Variants in KIAA1549L observed in about 807,000 individuals in gnomAD.
KIAA1549L encodes the protein KIAA1549 like.
In KIAA1549L, 88 loss-of-function variants were observed where a neutral mutation model predicts 160.7. The observed-to-expected ratio is 0.55, with a 90% CI of 0.46 to 0.65. The LOEUF is 0.65. KIAA1549L is among the 30% of genes least tolerant of loss of function. The pLI is 0.00. For synonymous variants in KIAA1549L, 950 were observed against 976.7 expected, an observed-to-expected ratio of 0.97 and a Z score of 0.51; for missense variants, 2,258 against 2,437.5, an observed-to-expected ratio of 0.93 and a Z score of 1.55.
chr11:33,618,662 T>C lies in KIAA1549L; in HGVS notation c.5409T>C (p.Asp1803=). The stretch of plus-strand genomic sequence containing the variant: ...GTGGAATCCGCAACAGCGGATACGA[T>C]GTGAGTCTCTGGTGGGCTGGGTAAA... ...PRRGIRNSGY[D]TEPEIIEETN... Residue 1803 remains aspartate, a splice_region_variant and synonymous_variant, in exon 16 of 21, where the codon GAT becomes GAC. Transcript: ENST00000658780. 2 of 1,579,906 alleles carry C rather than the reference T, an allele frequency of 1.3e-6. No individual in the cohort carries two copies. The highest frequency in any genetic ancestry group is 1.7e-6 in the Non-Finnish European group (2 of 1,160,532).
At chr11:33,398,211 C>T (rs1265520847) in intron 1 of KIAA1549L, among the ~76,000 whole-genome samples, 1 of 151,480 alleles carries the variant, frequency 6.6e-6, no homozygotes, top group Non-Finnish European at 1.5e-5. Flanking sequence ...TATGAGCCAC[C>T]ACACCTGGCC....
At chr11:33,459,766 C>T (rs900795957) in intron 1 of KIAA1549L, among the ~76,000 whole-genome samples, 2 of 150,960 alleles carry the variant, frequency 1.3e-5, no homozygotes, top group South Asian at 4.2e-4. Flanking sequence ...TCGAGACCAT[C>T]CCGGCTAAAA....
chr11:33,526,655 G>T (rs1255166207), intron 1 of KIAA1549L, among the ~76,000 whole-genome samples: 1 of 152,140 alleles, frequency 6.6e-6, no homozygotes, highest in Non-Finnish European at 1.5e-5. Context: ...CACCCCATGG[G>T]ACGAGAGCCC....
Position 33,431,334 on chromosome 11 carries a change from G to A in KIAA1549L, c.238+54445G>A, listed in dbSNP as rs184500035. On this transcript the variant is annotated intron_variant, in intron 1 of 20. Transcript: ENST00000658780. ...CAGCCTACTTTTATTCTCTTATCTG[G>A]CCCCACCCACATCCTGCTGATTGGT... is the stretch of plus-strand genomic sequence containing the variant. 7.8e-3 allele frequency among the ~76,000 whole-genome samples: 1,193 copies of A among 152,216 alleles called. 14 individuals carry two copies. The highest frequency in any genetic ancestry group is 0.011 in the Non-Finnish European group (721 of 67,994).
At chr11:33,439,004 G>A (rs1418051976) in intron 1 of KIAA1549L, among the ~76,000 whole-genome samples, 1 of 152,052 alleles carries the variant, frequency 6.6e-6, no homozygotes, top group East Asian at 1.9e-4. Flanking sequence ...TCAGCTCACT[G>A]CAACCTCTGC....
Position 33,406,063 on chromosome 11 carries a change from A to G in KIAA1549L, c.238+29174A>G, listed in dbSNP as rs141153520. Among the ~76,000 whole-genome samples, 608 of 152,278 alleles carry G rather than the reference A, an allele frequency of 4.0e-3. 3 individuals carry two copies. The highest frequency in any genetic ancestry group is 0.012 in the African/African-American group (503 of 41,544). ...TGAATGATTCTGGCAGTTGGAGCAA[A>G]GCTAACTCATTACTACAACAGTCAA... On this transcript the variant is annotated intron_variant, in intron 1 of 20. Coordinates refer to ENST00000658780, the MANE Select transcript of KIAA1549L (RefSeq NM_012194.3).
At chr11:33,383,372 T>C (rs1850111569) in intron 1 of KIAA1549L, among the ~76,000 whole-genome samples, 1 of 151,932 alleles carries the variant, frequency 6.6e-6, no homozygotes, top group Non-Finnish European at 1.5e-5. Context: ...TGACAACATA[T>C]TAGAGGGGAT....
intron 16 of KIAA1549L, among the ~76,000 whole-genome samples, chr11:33,636,602 A>T (rs1851445935): frequency 6.6e-6 from 1 of 152,192 alleles, no homozygotes; most frequent in African/African-American, 2.4e-5. Flanking sequence ...AAGTTCTGGG[A>T]TTACGGGCGT....
At chr11:33,456,289 C>T (rs115334618) in intron 1 of KIAA1549L, among the ~76,000 whole-genome samples, 26 of 152,268 alleles carry the variant, frequency 1.7e-4, no homozygotes, top group African/African-American at 5.1e-4. Flanking sequence ...AATGTCATAA[C>T]GGTCATGTGT....
chr11:33,545,549 A>G (rs1011116939), intron 3 of KIAA1549L, among the ~76,000 whole-genome samples, 171 bp downstream of exon 3: 1 of 152,162 alleles, frequency 6.6e-6, no homozygotes, highest in African/African-American at 2.4e-5. Flanking sequence ...ATGGCTGGAG[A>G]TACTACTAAA....
chr11:33,589,608 G>A (rs997328787), intron 11 of KIAA1549L, among the ~76,000 whole-genome samples: 1 of 152,176 alleles, frequency 6.6e-6, no homozygotes, highest in Non-Finnish European at 1.5e-5. Flanking sequence ...CATGTCCTTT[G>A]TAGGGACATG....
intron 16 of KIAA1549L, among the ~76,000 whole-genome samples, chr11:33,631,179 C>T (rs540249605): frequency 6.6e-6 from 1 of 152,068 alleles, no homozygotes; most frequent in South Asian, 2.1e-4. Context: ...CAAAATCCTC[C>T]AGGAGCTCCC....
At chr11:33,517,102 A>G (rs1242116539) in intron 1 of KIAA1549L, among the ~76,000 whole-genome samples, 1 of 152,208 alleles carries the variant, frequency 6.6e-6, no homozygotes, top group Non-Finnish European at 1.5e-5. Flanking sequence ...TGCAGCTGTA[A>G]TGGCTGGTGG....
chr11:33,464,524 G>GCCC (rs71034692), intron 1 of KIAA1549L, among the ~76,000 whole-genome samples: 21 of 146,542 alleles, frequency 1.4e-4, no homozygotes, highest in African/African-American at 4.1e-4. Flanking sequence ...GTGCGCGCAT[G>GCCC]CCCCCCCCCA....
intron 6 of KIAA1549L, among the ~76,000 whole-genome samples, chr11:33,556,108 A>T (rs1854638696): frequency 6.6e-6 from 1 of 152,202 alleles, no homozygotes; most frequent in African/African-American, 2.4e-5. Flanking sequence ...AAACCATGAG[A>T]TACCTATTCA....
chr11:33,410,466 T>A (rs1850764846), intron 1 of KIAA1549L, among the ~76,000 whole-genome samples: 1 of 152,206 alleles, frequency 6.6e-6, no homozygotes, highest in Non-Finnish European at 1.5e-5. Flanking sequence ...TTAGAAGTAG[T>A]ACCTAGATTA....
chr11:33,632,160 C>T (rs1169023424), intron 16 of KIAA1549L, among the ~76,000 whole-genome samples: 1 of 152,148 alleles, frequency 6.6e-6, no homozygotes, highest in Non-Finnish European at 1.5e-5. Context: ...ACGGTAAATC[C>T]AGGCATGGTT....
At chr11:33,395,637 C>T (rs993618970) in intron 1 of KIAA1549L, among the ~76,000 whole-genome samples, 4 of 152,046 alleles carry the variant, frequency 2.6e-5, no homozygotes, top group South Asian at 2.1e-4. Flanking sequence ...GAAAACGTAA[C>T]ATGTTTTCTT....
At chr11:33,661,953 A>C (rs986975509) in intron 20 of KIAA1549L, among the ~76,000 whole-genome samples, 7 of 151,880 alleles carry the variant, frequency 4.6e-5, no homozygotes, top group Non-Finnish European at 1.0e-4. Flanking sequence ...CCAGATGACC[A>C]AGTCTTACCC....
Sources: allele counts gnomAD v4.1 joint callset (sites outside exome capture counted in the v4.1 genomes callset), GRCh38; gene constraint gnomAD v4.1.1; transcripts MANE v1.5; gene names NCBI Gene and HGNC (gene_info 2026-07-23, HGNC 2026-07-21).